The following ZNF385D variants were observed in gnomAD, a reference collection of about 807,000 sequenced individuals.
ZNF385D encodes the protein zinc finger protein 385D.
In ZNF385D, 15 loss-of-function variants were observed where a neutral mutation model predicts 35.8. The observed-to-expected ratio is 0.42, with a 90% CI of 0.28 to 0.64. ZNF385D has a LOEUF of 0.64. ZNF385D is among the 30% of genes least tolerant of loss of function. ZNF385D has a pLI of 0.23. For synonymous variants in ZNF385D, 212 were observed against 186.8 expected, an observed-to-expected ratio of 1.13 and a Z score of -1.10; for missense variants, 474 against 494.6, an observed-to-expected ratio of 0.96 and a Z score of 0.39.
chr3:22,093,132 A>G (rs1701418068), intron 3 of ZNF385D, among the ~76,000 whole-genome samples: 1 of 152,108 alleles, frequency 6.6e-6, no homozygotes, highest in Non-Finnish European at 1.5e-5. Context: ...AATTTATTGC[A>G]TTTAATAAAG....
At chr3:22,117,961 A>G (rs1243619377) in intron 3 of ZNF385D, among the ~76,000 whole-genome samples, 1 of 152,094 alleles carries the variant, frequency 6.6e-6, no homozygotes, top group Non-Finnish European at 1.5e-5. Context: ...GATATTACAG[A>G]AGTAACAAGA....
intron 3 of ZNF385D, among the ~76,000 whole-genome samples, chr3:22,045,089 C>A (rs978051032): frequency 3.3e-5 from 5 of 151,840 alleles, no homozygotes; most frequent in African/African-American, 1.2e-4. Flanking sequence ...TTATTAGCTC[C>A]CATCGGATCC....
intron 3 of ZNF385D, among the ~76,000 whole-genome samples, chr3:21,766,993 T>C (rs991846943): frequency 6.6e-6 from 1 of 152,028 alleles, no homozygotes; most frequent in Admixed American, 6.6e-5. Flanking sequence ...AGCTATAAAA[T>C]ATAAGGTCTT....
chr3:22,305,882 A>G (rs1703182258), intron 2 of ZNF385D, among the ~76,000 whole-genome samples: 1 of 152,182 alleles, frequency 6.6e-6, no homozygotes, highest in South Asian at 2.1e-4. Flanking sequence ...GTCTTAAACT[A>G]GAGGGAAATT....
chr3:22,306,858 C>G (rs765969237), intron 2 of ZNF385D, among the ~76,000 whole-genome samples: 1 of 152,068 alleles, frequency 6.6e-6, no homozygotes, highest in Non-Finnish European at 1.5e-5. Flanking sequence ...TATTATATCC[C>G]AGAAGAACTA....
intron 2 of ZNF385D, among the ~76,000 whole-genome samples, chr3:22,232,630 CAT>C (rs1698961878): frequency 6.6e-6 from 1 of 152,130 alleles, no homozygotes; most frequent in Non-Finnish European, 1.5e-5. Context: ...CGAGTGAGAA[CAT>C]GTGGTGTTTG....
At chr3:21,947,899 G>C (rs1701874264) in intron 3 of ZNF385D, among the ~76,000 whole-genome samples, 1 of 151,914 alleles carries the variant, frequency 6.6e-6, no homozygotes, top group African/African-American at 2.4e-5. Flanking sequence ...CCTGGGTTTT[G>C]TTTCACCACA....
intron 3 of ZNF385D, among the ~76,000 whole-genome samples, chr3:21,988,826 G>A (rs1034644778): frequency 9.9e-5 from 15 of 152,276 alleles, no homozygotes; most frequent in South Asian, 2.1e-4. Flanking sequence ...GCGAGACTCC[G>A]TGGGCGTAGG....
intron 2 of ZNF385D, among the ~76,000 whole-genome samples, chr3:21,594,534 A>G (rs2064074264): frequency 6.6e-6 from 1 of 152,148 alleles, no homozygotes; most frequent in African/African-American, 2.4e-5. Context: ...AAGTACATCA[A>G]AGCCCGGAAA....
intron 3 of ZNF385D, among the ~76,000 whole-genome samples, chr3:21,830,073 G>T (rs1333574902): frequency 6.6e-6 from 1 of 151,958 alleles, no homozygotes; most frequent in South Asian, 2.1e-4. Context: ...GCAGTGGCCC[G>T]AGATATCACT....
At chr3:22,300,591 G>A (rs1277472044) in intron 2 of ZNF385D, among the ~76,000 whole-genome samples, 1 of 151,692 alleles carries the variant, frequency 6.6e-6, no homozygotes, top group Admixed American at 6.6e-5. Context: ...CAATTCAATA[G>A]CAAGAAAACA....
chr3:22,358,292 A>T (rs1218520728), intron 2 of ZNF385D, among the ~76,000 whole-genome samples: 1 of 151,872 alleles, frequency 6.6e-6, no homozygotes, highest in Non-Finnish European at 1.5e-5. Context: ...TTCCAAGGAA[A>T]GGTTTTCCAG....
intron 2 of ZNF385D, among the ~76,000 whole-genome samples, chr3:22,305,836 C>T (rs769521046): frequency 2.0e-5 from 3 of 152,164 alleles, no homozygotes; most frequent in Non-Finnish European, 4.4e-5. Context: ...AATGTTGTTA[C>T]TGTTCACCTG....
intron 2 of ZNF385D, among the ~76,000 whole-genome samples, chr3:22,243,640 A>C (rs1043752196): frequency 2.6e-5 from 4 of 150,996 alleles, no homozygotes; most frequent in African/African-American, 9.8e-5. Context: ...GAAAATGAAA[A>C]TCAAAAGATG....
chr3:22,338,112 A>G (rs919422970), intron 2 of ZNF385D, among the ~76,000 whole-genome samples: 2 of 152,214 alleles, frequency 1.3e-5, no homozygotes, highest in Admixed American at 6.5e-5. Flanking sequence ...TATTTTTCTA[A>G]TAAGTTGAGA....
intron 5 of ZNF385D, among the ~76,000 whole-genome samples, chr3:21,426,156 C>T (rs1239337621): frequency 1.3e-5 from 2 of 152,134 alleles, no homozygotes; most frequent in Non-Finnish European, 2.9e-5. Flanking sequence ...AATTAAATAC[C>T]CACTTTCTAA....
intron 3 of ZNF385D, among the ~76,000 whole-genome samples, chr3:21,856,166 T>C (rs781106672): frequency 6.6e-6 from 1 of 152,076 alleles, no homozygotes; most frequent in Non-Finnish European, 1.5e-5. Context: ...TCACATGAGG[T>C]ATTTTATAGC....
chr3:22,091,019 A>T (rs1390594235), intron 3 of ZNF385D, among the ~76,000 whole-genome samples: 2 of 152,134 alleles, frequency 1.3e-5, no homozygotes, highest in Non-Finnish European at 2.9e-5. Context: ...CAATAGAAAC[A>T]TGGTGGGGTG....
At chr3:22,347,822 A>G (rs1321593358) in intron 2 of ZNF385D, among the ~76,000 whole-genome samples, 3 of 152,138 alleles carry the variant, frequency 2.0e-5, no homozygotes, top group African/African-American at 4.8e-5. Context: ...AAAACCTTCA[A>G]TTTTGCATAT....
Sources: allele counts gnomAD v4.1 joint callset (sites outside exome capture counted in the v4.1 genomes callset), GRCh38; gene constraint gnomAD v4.1.1; transcripts MANE v1.5; gene names NCBI Gene and HGNC (gene_info 2026-07-23, HGNC 2026-07-21).